Variants in DIP2C observed in about 807,000 individuals in gnomAD.
The protein encoded by DIP2C is DIP2 acetate--CoA ligase C (putative), also known as disco-interacting protein 2 homolog C.
A neutral mutation model predicts 192.4 loss-of-function variants in DIP2C; 33 were observed. The observed-to-expected ratio is 0.17, with a 90% CI of 0.13 to 0.23. The LOEUF is 0.23. Among genes scored for constraint, DIP2C ranks in the 10% least tolerant of loss-of-function variants. The probability of loss-of-function intolerance (pLI) is 1.00; values close to 1 mark genes in which losing one functional copy is unlikely to be tolerated. For missense variants in DIP2C, 1,537 were observed against 2,110.1 expected (o/e 0.73, Z 5.32); for synonymous variants, 979 against 864.1 (o/e 1.13, Z -2.33).
intron 1 of DIP2C, among the ~76,000 whole-genome samples, chr10:564,303 T>A (rs1849355267): frequency 6.6e-6 from 1 of 151,704 alleles, no homozygotes. Flanking sequence ...CCTTGATCTC[T>A]CCAGCCCACA....
intron 20 of DIP2C, 132 bp downstream of exon 20, chr10:364,242 C>T (rs1275062002): frequency 3.7e-6 from 4 of 1,072,946 alleles, no homozygotes; most frequent in Non-Finnish European, 5.3e-6. Context: ...AGTCCAGTTG[C>T]TTCAATAACA....
chr10:596,121 C>T (rs1009315740), intron 1 of DIP2C, among the ~76,000 whole-genome samples: 24 of 151,916 alleles, frequency 1.6e-4, no homozygotes, highest in African/African-American at 3.4e-4. Flanking sequence ...AAGATTCACG[C>T]GAGAAGTGCT....
chr10:518,714 A>G (rs1034718019), intron 1 of DIP2C, among the ~76,000 whole-genome samples: 2 of 152,188 alleles, frequency 1.3e-5, no homozygotes, highest in Admixed American at 6.5e-5. Flanking sequence ...AGGCCAGTCA[A>G]TGGTGTTTTG....
At position 413,905 on chromosome 10, in the gene DIP2C, G is replaced by C. The variant is rs764798882; in HGVS notation, c.1057+8C>G. ...GGGCAAAGGGCAGAGAGTGAGCCTG[G>C]GGATTACCGTAAGTGAGGATGTAGA... On this transcript the variant is annotated splice_region_variant and intron_variant, in intron 8 of 36. Transcript: ENST00000280886. The C allele has an allele frequency of 1.9e-6, 3 of 1,612,856 alleles. No homozygotes were observed. Among genetic ancestry groups the C allele is most frequent in the Non-Finnish European group, 2.5e-6 (3 of 1,179,256 alleles).
chr10:687,222 A>G (rs1831369467), intron 1 of DIP2C, among the ~76,000 whole-genome samples: 1 of 152,210 alleles, frequency 6.6e-6, no homozygotes, highest in Non-Finnish European at 1.5e-5. Context: ...CAATTCTTGG[A>G]TTTCTATTAA....
intron 1 of DIP2C, among the ~76,000 whole-genome samples, chr10:595,912 T>C (rs188060548): frequency 2.6e-5 from 4 of 152,342 alleles, no homozygotes; most frequent in Non-Finnish European, 5.9e-5. Flanking sequence ...ACAAACTAAC[T>C]GTTCTGATTA....
chr10:527,049 C>T (rs1345652828), intron 1 of DIP2C, among the ~76,000 whole-genome samples: 1 of 152,216 alleles, frequency 6.6e-6, no homozygotes, highest in African/African-American at 2.4e-5. Context: ...TGCAGTGAGC[C>T]ACCACACATT....
chr10:602,496 G>A (rs1421354063), intron 1 of DIP2C, among the ~76,000 whole-genome samples: 1 of 152,204 alleles, frequency 6.6e-6, no homozygotes, highest in African/African-American at 2.4e-5. Flanking sequence ...CAGGACCGGG[G>A]TTGGTGTCCT....
At chr10:362,141 A>G (rs1196706643) in intron 22 of DIP2C, among the ~76,000 whole-genome samples, 2 of 152,148 alleles carry the variant, frequency 1.3e-5, no homozygotes, top group African/African-American at 4.8e-5. Flanking sequence ...TAGGTCAGAA[A>G]TGAAAGAGCA....
At chr10:420,076 A>AC (rs1335146802) in intron 5 of DIP2C, among the ~76,000 whole-genome samples, 2 of 151,578 alleles carry the variant, frequency 1.3e-5, no homozygotes, top group African/African-American at 2.4e-5. Context: ...TTTCAGGATC[A>AC]CCCCGCCACT....
chr10:345,477 C>T (rs943965040), intron 26 of DIP2C, among the ~76,000 whole-genome samples: 33 of 150,760 alleles, frequency 2.2e-4, no homozygotes, highest in Non-Finnish European at 4.6e-4. Context: ...CACACACACC[C>T]AGGCACATCG....
chr10:316,491 C>A (rs770466528), intron 31 of DIP2C, among the ~76,000 whole-genome samples: 4 of 152,218 alleles, frequency 2.6e-5, no homozygotes, highest in Non-Finnish European at 5.9e-5. Context: ...CACTCCCAGC[C>A]TTTGGAAGGC....
chr10:670,947 G>A (rs1488964323), intron 1 of DIP2C, among the ~76,000 whole-genome samples: 1 of 152,194 alleles, frequency 6.6e-6, no homozygotes, highest in East Asian at 1.9e-4. Context: ...CCTGAAACCA[G>A]GTCTCATTTC....
intron 1 of DIP2C, among the ~76,000 whole-genome samples, chr10:555,174 T>C (rs816651): frequency 0.28 from 42,552 of 151,742 alleles, 9,219 homozygotes; most frequent in African/African-American, 0.61. Context: ...ATTTAGTTTA[T>C]GTTTTCTTCA....
At chr10:513,522 G>A (rs1254435650) in intron 1 of DIP2C, among the ~76,000 whole-genome samples, 2 of 152,152 alleles carry the variant, frequency 1.3e-5, no homozygotes, top group Non-Finnish European at 2.9e-5. Context: ...GTCCACCACA[G>A]CACACCGCAG....
intron 34 of DIP2C, among the ~76,000 whole-genome samples, chr10:285,822 A>G (rs1452898493): frequency 6.6e-6 from 1 of 152,244 alleles, no homozygotes; most frequent in Non-Finnish European, 1.5e-5. Flanking sequence ...GTCAAGTTCC[A>G]CTGTTTGCTT....
intron 1 of DIP2C, among the ~76,000 whole-genome samples, chr10:656,656 G>A (rs745564894): frequency 1.3e-5 from 2 of 152,162 alleles, no homozygotes; most frequent in Admixed American, 6.5e-5. Flanking sequence ...GAAAAGATGA[G>A]TGAGGTCCCG....
chr10:312,227 A>G (rs1177033604), intron 31 of DIP2C, among the ~76,000 whole-genome samples: 1 of 152,170 alleles, frequency 6.6e-6, no homozygotes, highest in Non-Finnish European at 1.5e-5. Context: ...CCTCCTCGTC[A>G]TCCATGGCTG....
At chr10:577,366 T>C (rs754917781) in intron 1 of DIP2C, among the ~76,000 whole-genome samples, 9 of 152,252 alleles carry the variant, frequency 5.9e-5, no homozygotes, top group Admixed American at 5.9e-4. Flanking sequence ...AAAATAAGCA[T>C]GAGAAATTAG....
Sources: allele counts gnomAD v4.1 joint callset (sites outside exome capture counted in the v4.1 genomes callset), GRCh38; gene constraint gnomAD v4.1.1; transcripts MANE v1.5; gene names NCBI Gene and HGNC (gene_info 2026-07-23, HGNC 2026-07-21).